DCDC1: variants seen among roughly 807,000 people sequenced by gnomAD.
DCDC1 encodes doublecortin domain containing 1.
Under a neutral mutation model 178.3 loss-of-function variants are expected in DCDC1, and 200 were observed. That is an observed-to-expected ratio of 1.12 (90% CI 1.00 to 1.26). The LOEUF (loss-of-function observed/expected upper bound fraction) is 1.26, where lower values mean the gene tolerates loss of function less well. Ranked by LOEUF, DCDC1 falls within the 50% of genes most tolerant of loss-of-function variation. The pLI is 0.00. For missense variants in DCDC1, 1,983 were observed against 1,749.2 expected, an observed-to-expected ratio of 1.13 and a Z score of -2.38; for synonymous variants, 690 against 604.8, an observed-to-expected ratio of 1.14 and a Z score of -2.07.
At chr11:31,066,828 C>T (rs148702904) in intron 18 of DCDC1, among the ~76,000 whole-genome samples, 5 of 152,180 alleles carry the variant, frequency 3.3e-5, no homozygotes, top group Admixed American at 2.6e-4. Context: ...AGAATGTGCA[C>T]CACCAAAAGT....
At chr11:31,222,227 T>A (rs1974354612) in intron 9 of DCDC1, among the ~76,000 whole-genome samples, 1 of 151,998 alleles carries the variant, frequency 6.6e-6, no homozygotes, top group South Asian at 2.1e-4. Flanking sequence ...CAGGTCCAGC[T>A]AATTTTTTGT....
chr11:30,986,334 CTCTTT>C (rs1950642417), intron 20 of DCDC1, among the ~76,000 whole-genome samples: 1 of 142,736 alleles, frequency 7.0e-6, no homozygotes. Context: ...TTTTCTCTCT[CTCTTT>C]TTTTTTTTTT....
chr11:31,367,714 A>T (rs1073994), intron 1 of DCDC1, among the ~76,000 whole-genome samples: 43,754 of 152,164 alleles, frequency 0.29, 6,418 homozygotes, highest in African/African-American at 0.33. Flanking sequence ...AAGAATGTAA[A>T]GTATCGCCTT....
Position 31,065,000 on chromosome 11 carries a change from T to C in DCDC1, c.2433+19A>G. The C allele has an allele frequency of 1.4e-6, 1 of 723,544 alleles. No individual in the cohort carries two copies. The highest frequency in any genetic ancestry group is 1.5e-5 in the South Asian group (1 of 67,438). 44.8% of individuals were successfully genotyped at this position (723,544 alleles called of 1,614,324 possible). ...TTTAGAGAGCTATTTCTGTCTTGCC[T>C]CTGGCTCCCTACACTGACCTCTTCT... On this transcript the variant is annotated intron_variant, in intron 19 of 38. Transcript: ENST00000684477.
At chr11:31,075,423 G>A (rs986579036) in intron 18 of DCDC1, among the ~76,000 whole-genome samples, 14 of 151,820 alleles carry the variant, frequency 9.2e-5, no homozygotes, top group Non-Finnish European at 1.5e-4. Flanking sequence ...TGGGATTGCC[G>A]GATGAAATGG....
intron 7 of DCDC1, among the ~76,000 whole-genome samples, chr11:31,273,684 C>T (rs1945754450): frequency 2.0e-5 from 3 of 152,182 alleles, no homozygotes; most frequent in Non-Finnish European, 4.4e-5. Context: ...GTCGCTTCCA[C>T]ATTTTCAGGT....
At chr11:30,949,308 C>A (rs1402496273) in intron 21 of DCDC1, among the ~76,000 whole-genome samples, 1 of 152,148 alleles carries the variant, frequency 6.6e-6, no homozygotes, top group East Asian at 1.9e-4. Context: ...CAATGAGATA[C>A]CATCTCACGC....
intron 9 of DCDC1, among the ~76,000 whole-genome samples, chr11:31,204,680 G>T (rs1261887440): frequency 6.6e-6 from 1 of 152,110 alleles, no homozygotes; most frequent in Non-Finnish European, 1.5e-5. Flanking sequence ...AAATTAGCCA[G>T]GCATGGTGGC....
At chr11:31,011,895 C>T (rs192257071) in intron 20 of DCDC1, among the ~76,000 whole-genome samples, 1 of 152,080 alleles carries the variant, frequency 6.6e-6, no homozygotes, top group East Asian at 1.9e-4. Flanking sequence ...GATTTGTGTC[C>T]CCGCCCAAAT....
chr11:31,018,898 G>A (rs540882163), intron 20 of DCDC1, among the ~76,000 whole-genome samples: 1 of 152,114 alleles, frequency 6.6e-6, no homozygotes, highest in African/African-American at 2.4e-5. Flanking sequence ...TATAGGTACT[G>A]CAACCAAGAA....
intron 8 of DCDC1, among the ~76,000 whole-genome samples, chr11:31,251,775 T>G (rs1193428989): frequency 6.6e-6 from 1 of 152,074 alleles, no homozygotes; most frequent in Non-Finnish European, 1.5e-5. Flanking sequence ...TTAACATAAG[T>G]AGGCAATAGC....
intron 9 of DCDC1, among the ~76,000 whole-genome samples, chr11:31,180,385 C>T (rs1490125659): frequency 6.6e-6 from 1 of 152,066 alleles, no homozygotes; most frequent in Non-Finnish European, 1.5e-5. Context: ...AGATATATAT[C>T]AAAACATTAA....
At chr11:31,173,091 T>C (rs751732484) in intron 9 of DCDC1, among the ~76,000 whole-genome samples, 2 of 152,218 alleles carry the variant, frequency 1.3e-5, no homozygotes, top group African/African-American at 2.4e-5. Context: ...GGATTATGTA[T>C]CAATGCCTGA....
At chr11:31,117,810 C>G (rs753250699) in intron 11 of DCDC1, among the ~76,000 whole-genome samples, 4 of 151,924 alleles carry the variant, frequency 2.6e-5, no homozygotes, top group Non-Finnish European at 4.4e-5. Flanking sequence ...AATTTGCTTG[C>G]GTGTCATGTC....
chr11:31,359,555 G>A (rs891576737), intron 1 of DCDC1, among the ~76,000 whole-genome samples: 1 of 152,036 alleles, frequency 6.6e-6, no homozygotes, highest in African/African-American at 2.4e-5. Flanking sequence ...TGCACATTGT[G>A]CACATGTACC....
rs776599794 is a variant in DCDC1, at chr11:30,881,226, G to A, written c.5165C>T (p.Ser1722Phe). Reference sequence around the variant, plus strand: ...CATATCTCGCTCTATGTCGTCCCAGGACTGAATTGGCTCTCCACTGGGGGT... The same window carrying A: ...CATATCTCGCTCTATGTCGTCCCAGAACTGAATTGGCTCTCCACTGGGGGT... ...LYTPSGEPIQ[S>F]WDDIERDMVI... The change falls in exon 37 of 39, where the codon TCC becomes TTC. Residue 1722 changes from serine (S) to phenylalanine (F), a missense_variant. Coordinates refer to ENST00000684477, the MANE Select transcript of DCDC1 (RefSeq NM_001387274.1). The A allele has an allele frequency of 6.2e-7, 1 of 1,613,544 alleles. No individual in the cohort carries two copies. Among genetic ancestry groups the A allele is most frequent in the Non-Finnish European group, 8.5e-7 (1 of 1,179,600 alleles).
intron 20 of DCDC1, among the ~76,000 whole-genome samples, chr11:31,013,477 A>C (rs1952292516): frequency 6.6e-6 from 1 of 152,238 alleles, no homozygotes; most frequent in Admixed American, 6.5e-5. Context: ...AGAAAACAAA[A>C]TCACTACTTC....
At chr11:30,905,288 A>G in intron 30 of DCDC1, 124 bp from the exon 31 acceptor site, 1 of 1,003,710 alleles carries the variant, frequency 1.0e-6, no homozygotes, top group Non-Finnish European at 1.4e-6. Context: ...TGCTCTCTTC[A>G]TGTTTTATAG....
At chr11:31,328,860 T>C (rs1949794162) in intron 2 of DCDC1, among the ~76,000 whole-genome samples, 1 of 149,970 alleles carries the variant, frequency 6.7e-6, no homozygotes, top group Non-Finnish European at 1.5e-5. Flanking sequence ...TTGGAAAACA[T>C]TTTAATTTTT....
Sources: allele counts gnomAD v4.1 joint callset (sites outside exome capture counted in the v4.1 genomes callset), GRCh38; gene constraint gnomAD v4.1.1; transcripts MANE v1.5; gene names NCBI Gene and HGNC (gene_info 2026-07-23, HGNC 2026-07-21).